MTA1: variants seen among roughly 807,000 people sequenced by gnomAD.
MTA1 encodes metastasis associated 1, also known as metastasis-associated protein MTA1.
Under a neutral mutation model 97.0 loss-of-function variants are expected in MTA1, and 15 were observed. The observed-to-expected ratio is 0.15, with a 90% CI of 0.10 to 0.24. The LOEUF (loss-of-function observed/expected upper bound fraction) is 0.24, where lower values mean the gene tolerates loss of function less well. Ranked by LOEUF, MTA1 falls within the 10% of genes least tolerant of loss-of-function variation. The pLI, the probability that MTA1 is intolerant of heterozygous loss-of-function variation, is 1.00. For missense variants in MTA1, 709 were observed against 1,015.1 expected (o/e 0.70, Z 4.10); for synonymous variants, 435 against 417.5 (o/e 1.04, Z -0.51).
chr14:105,445,978 C>A (rs945953006), intron 3 of MTA1: 1 of 296,526 alleles, frequency 3.4e-6, no homozygotes, highest in South Asian at 2.7e-5. Flanking sequence ...CGATTCAAAC[C>A]CAAGTTTAGT....
chr14:105,454,103 T>C (rs2083051410), intron 6 of MTA1, 90 bp from the exon 7 acceptor site: 5 of 970,700 alleles, frequency 5.2e-6, no homozygotes, highest in Non-Finnish European at 8.1e-6. Flanking sequence ...GGCAAGACCC[T>C]CCCAGCAGCC....
At chr14:105,444,182 G>T (rs2082636494) in intron 2 of MTA1, among the ~76,000 whole-genome samples, 1 of 151,796 alleles carries the variant, frequency 6.6e-6, no homozygotes. Context: ...GGCCATCCTG[G>T]CTAACACGGT....
rs4983413 is a variant in MTA1, at chr14:105,464,069, G to A, written c.1114G>A (p.Val372Ile). The stretch of plus-strand genomic sequence containing the variant: ...TCCGAACCAAATCAGCGTCAACAAC[G>A]TCAAGGCCGGTGTGGTGAACGGCAC... ...PNPNQISVNN[V>I]KAGVVNGTGA... The change falls in exon 13 of 21, where the codon GTC becomes ATC. Residue 372 changes from valine to isoleucine, a missense_variant. Coordinates refer to ENST00000331320, the MANE Select transcript of MTA1 (RefSeq NM_004689.4). 0.25 allele frequency: 398,344 copies of A among 1,612,182 alleles called. 56,490 individuals are homozygous for A. Among genetic ancestry groups the A allele is most frequent in the East Asian group, 0.66 (29,781 of 44,824 alleles).
chr14:105,469,749 T>C, intron 19 of MTA1, 92 bp from the exon 20 acceptor site: 1 of 1,418,704 alleles, frequency 7.0e-7, no homozygotes, highest in Non-Finnish European at 9.3e-7. Context: ...GGTGGGGGGT[T>C]GGCCAGGCAC....
At chr14:105,468,033 G>A (rs587652967) in intron 18 of MTA1, 2 of 328,584 alleles carry the variant, frequency 6.1e-6, no homozygotes, top group Non-Finnish European at 1.2e-5. Context: ...CAGCCACAGA[G>A]GAAGCGCCTG....
chr14:105,447,857 T>C (rs2082771470), intron 3 of MTA1, among the ~76,000 whole-genome samples: 1 of 152,150 alleles, frequency 6.6e-6, no homozygotes, highest in South Asian at 2.1e-4. Flanking sequence ...TTTCTCCTGC[T>C]TCTCTGTGAG....
chr14:105,428,512 C>T (rs1566999502), intron 1 of MTA1, among the ~76,000 whole-genome samples: 1 of 152,106 alleles, frequency 6.6e-6, no homozygotes, highest in Non-Finnish European at 1.5e-5. Flanking sequence ...AAGCGATCCT[C>T]CCACTTCGGA....
rs782365331 is a variant in MTA1, at chr14:105,469,850, C to A, written c.1855C>A (p.Arg619=). 2 of 1,606,470 alleles carry A rather than the reference C, an allele frequency of 1.2e-6. No homozygotes were observed. The highest frequency in any genetic ancestry group is 1.7e-6 in the Non-Finnish European group (2 of 1,177,172). The change falls in exon 20 of 21, where the codon CGG becomes AGG. Residue 619 remains arginine (R), a synonymous_variant. Transcript: ENST00000331320. The part of the protein sequence containing the change: ...HGQARHMGPS[R]NLLLNGKSYP... ...TGCACCCCCTCTGCAGGGACCAAGC[C>A]GGAACCTCCTGCTCAACGGGAAGTC... is the stretch of plus-strand genomic sequence containing the variant.
chr14:105,442,122 G>A (rs1220244511), intron 2 of MTA1, among the ~76,000 whole-genome samples: 1 of 152,180 alleles, frequency 6.6e-6, no homozygotes, highest in Non-Finnish European at 1.5e-5. Context: ...ATAAAGAGGG[G>A]CCCCTTCAAG....
chr14:105,445,678 G>A lies in MTA1; in HGVS notation c.190+167G>A, dbSNP rs1555426971. ...TCTCCCTTCCACAGTGGGCGGGGGT[G>A]TCCTGGCTCCGTTTCCTCGGGGGCT... is the stretch of plus-strand genomic sequence containing the variant. On this transcript the variant is annotated intron_variant, in intron 3 of 20. Transcript: ENST00000331320. The A allele has an allele frequency of 1.2e-5, 9 of 765,774 alleles. No homozygotes were observed. In the South Asian group the frequency reaches 1.2e-4, roughly 10 times the overall value. 47.4% of individuals were successfully genotyped at this position (765,774 alleles called of 1,614,324 possible). A position where few individuals can be genotyped will look rare whatever the true frequency, so the allele number is the denominator to read the frequency against.
At position 105,428,850 on chromosome 14, in the gene MTA1, G is replaced by A. The variant is rs143959537; in HGVS notation, c.28+8787G>A. On this transcript the variant is annotated intron_variant, in intron 1 of 20. Coordinates refer to ENST00000331320, the MANE Select transcript of MTA1 (RefSeq NM_004689.4). ...GTGATCCTCCCCACTTCAGCCTCCC[G>A]AGTAGCTAGGACTACAGGCATACGC... Among the ~76,000 whole-genome samples, 1,008 of 151,756 alleles carry A rather than the reference G, an allele frequency of 6.6e-3. 15 individuals are homozygous for A. The highest frequency in any genetic ancestry group is 0.023 in the African/African-American group (945 of 41,380).
chr14:105,427,161 C>G (rs781899424), intron 1 of MTA1, among the ~76,000 whole-genome samples: 1 of 152,252 alleles, frequency 6.6e-6, no homozygotes, highest in Non-Finnish European at 1.5e-5. Flanking sequence ...TTAAAACTTA[C>G]GTGTAACCCC....
chr14:105,469,384 A>G (rs10150545), intron 18 of MTA1, 83 bp from the exon 19 acceptor site: 1,478,845 of 1,486,490 alleles, frequency 0.99, 735,872 homozygotes, highest in East Asian at 1. Flanking sequence ...CCATTGTCCC[A>G]AGGTGGCTGA....
At chr14:105,449,916 G>A in intron 4 of MTA1, 142 bp from the exon 5 acceptor site, 1 of 1,248,530 alleles carries the variant, frequency 8.0e-7, no homozygotes, top group Admixed American at 2.2e-5. Context: ...TGGGGCAGTG[G>A]GACAGTGTCC....
At chr14:105,434,296 G>A (rs1027883949) in intron 1 of MTA1, among the ~76,000 whole-genome samples, 1 of 152,104 alleles carries the variant, frequency 6.6e-6, no homozygotes, top group African/African-American at 2.4e-5. Context: ...CATTTATTTA[G>A]ATCTTTGCTG....
intron 6 of MTA1, among the ~76,000 whole-genome samples, chr14:105,452,888 G>A (rs1248491021): frequency 6.6e-6 from 1 of 152,240 alleles, no homozygotes. Flanking sequence ...CAGGGAAAGC[G>A]GGTAAGGGCT....
At chr14:105,454,088 C>T (rs2083050772) in intron 6 of MTA1, 105 bp from the exon 7 acceptor site, 2 of 811,680 alleles carry the variant, frequency 2.5e-6, no homozygotes, top group African/African-American at 3.4e-5. Flanking sequence ...CCCACAAGAG[C>T]TCTGGGCAAG....
rs1379105494 is a variant in MTA1 at position 105,432,499 on chromosome 14, A to G, written c.29-6173A>G. Among the ~76,000 whole-genome samples, 5 of 152,274 alleles carry G rather than the reference A, an allele frequency of 3.3e-5. No homozygotes were observed. In the South Asian group the frequency reaches 1.0e-3, roughly 32 times the overall value. On this transcript the variant is annotated intron_variant, in intron 1 of 20. Coordinates refer to ENST00000331320, the MANE Select transcript of MTA1 (RefSeq NM_004689.4). Reference sequence around the variant, plus strand: ...CATGATCCACCTGCCTCGGCCTCCCAAAGTGCTGGGATTACAGGCGTGAGC... The same window carrying G: ...CATGATCCACCTGCCTCGGCCTCCCGAAGTGCTGGGATTACAGGCGTGAGC...
rs1555420641 is a variant in MTA1 at position 105,420,598 on chromosome 14, G to T, written c.28+535G>T. ...TCCCCCAGCAGGGATCCCTCAGGGG[G>T]TCTTCAGCAGGGAGCGAGCATCCCG... On this transcript the variant is annotated intron_variant, in intron 1 of 20. Transcript: ENST00000331320. This position sits in a 1 kb window ranked among gnomAD's most constrained non-coding sequence, Gnocchi z 5.3. Among the ~76,000 whole-genome samples, 1 of 152,210 alleles carries T rather than the reference G, an allele frequency of 6.6e-6. No individual in the cohort carries two copies. The highest frequency in any genetic ancestry group is 2.4e-5 in the African/African-American group (1 of 41,470).
Sources: allele counts gnomAD v4.1 joint callset (sites outside exome capture counted in the v4.1 genomes callset), GRCh38; gene constraint gnomAD v4.1.1; non-coding constraint Gnocchi (gnomAD v3.1); transcripts MANE v1.5; gene names NCBI Gene and HGNC (gene_info 2026-07-23, HGNC 2026-07-21).